The following LMBR1 variants were observed in gnomAD, a reference collection of about 807,000 sequenced individuals.
LMBR1 encodes the protein limb development membrane protein 1.
In LMBR1, 52 loss-of-function variants were observed where a neutral mutation model predicts 73.9. The observed-to-expected ratio is 0.70, with a 90% confidence interval of 0.56 to 0.89. The LOEUF (loss-of-function observed/expected upper bound fraction) is 0.89, where lower values mean the gene tolerates loss of function less well. Among genes scored for constraint, LMBR1 ranks in the 40% least tolerant of loss-of-function variants. The pLI is 0.00. For synonymous variants in LMBR1, 215 were observed against 209.4 expected (o/e 1.03, Z -0.23); for missense variants, 539 against 579.8 (o/e 0.93, Z 0.72).
intron 9 of LMBR1, among the ~76,000 whole-genome samples, chr7:156,735,548 G>GT (rs5888692): frequency 0.53 from 75,981 of 142,028 alleles, 20,268 homozygotes; most frequent in Middle Eastern, 0.65. Context: ...TAAGAGTGGT[G>GT]TTTTTTTTTT....
chr7:156,706,235 C>T (rs146493740), intron 15 of LMBR1, among the ~76,000 whole-genome samples: 1 of 149,808 alleles, frequency 6.7e-6, no homozygotes, highest in East Asian at 1.9e-4. Flanking sequence ...AACAATACAT[C>T]CAAATATACA....
At chr7:156,725,562 G>C (rs778301361) in intron 13 of LMBR1, 37 bp from the exon 14 acceptor site, 2 of 1,450,720 alleles carry the variant, frequency 1.4e-6, no homozygotes, top group Non-Finnish European at 1.9e-6. Flanking sequence ...CCAACAGAAT[G>C]CAAGTTTCCT....
chr7:156,675,945 C>T (rs1418423892), downstream of LMBR1: 12 of 1,390,102 alleles, frequency 8.6e-6, no homozygotes, highest in African/African-American at 2.8e-5. Flanking sequence ...GGGGGGAGGT[C>T]GAGGACTCAC....
intron 1 of LMBR1, among the ~76,000 whole-genome samples, chr7:156,852,495 G>T (rs1028457826): frequency 2.6e-5 from 4 of 152,064 alleles, no homozygotes; most frequent in Non-Finnish European, 5.9e-5. Context: ...AAAATTATAG[G>T]CTTCTACACC....
chr7:156,852,975 G>A (rs1267609265), intron 1 of LMBR1, among the ~76,000 whole-genome samples: 1 of 148,212 alleles, frequency 6.7e-6, no homozygotes, highest in African/African-American at 2.5e-5. Context: ...GTCTCAATCT[G>A]TCGCCCAGGC....
In LMBR1 at chr7:156,725,540, G is replaced by GA. The variant is rs1259361437; in HGVS notation, c.1068-16dup. ...CCATAAGATAGCTGTGAGAATCAAG[G>GA]AAAAAAACTCTCCAACAGAATGCAA... On this transcript the variant is annotated splice_polypyrimidine_tract_variant and intron_variant, in intron 13 of 16. Transcript: ENST00000353442. 2 of 1,540,530 alleles carry GA rather than the reference G, an allele frequency of 1.3e-6. No individual in the cohort carries two copies. The highest frequency in any genetic ancestry group is 1.2e-5 in the South Asian group (1 of 84,524).
chr7:156,845,735 G>A (rs1839475803), intron 1 of LMBR1, among the ~76,000 whole-genome samples: 1 of 151,886 alleles, frequency 6.6e-6, no homozygotes, highest in Non-Finnish European at 1.5e-5. Flanking sequence ...CTGCAGCCTT[G>A]AACTCCTGGG....
At chr7:156,697,798 A>C in intron 15 of LMBR1, among the ~76,000 whole-genome samples, 1 of 152,242 alleles carries the variant, frequency 6.6e-6, no homozygotes, top group East Asian at 1.9e-4. Context: ...ATCAATTTGT[A>C]CAGTTAACAC....
Position 156,682,249 on chromosome 7 carries a change from T to C in LMBR1, c.*1829A>G, listed in dbSNP as rs1025448509. 1.3e-5 allele frequency: 2 copies of C among 152,204 alleles called. No homozygotes were observed. The highest frequency in any genetic ancestry group is 2.9e-5 in the Non-Finnish European group (2 of 68,050). The allele number at this position is 152,204 out of a possible 1,614,324, so 9.4% of individuals were successfully genotyped here. A position where few individuals can be genotyped will look rare whatever the true frequency, so the allele number is the denominator to read the frequency against. The stretch of plus-strand genomic sequence containing the variant: ...ATTTTACTTAAAAATTTTCAGACAT[T>C]TTCCAAGTATCTAGGAACTCTTTGG... On this transcript the variant is annotated 3_prime_UTR_variant, in exon 17 of 17. Transcript: ENST00000353442.
chr7:156,673,646 C>T (rs1297690502), downstream of LMBR1, among the ~76,000 whole-genome samples: 1 of 152,184 alleles, frequency 6.6e-6, no homozygotes, highest in Non-Finnish European at 1.5e-5. Context: ...ATTCAAACCC[C>T]AACCCTTGTG....
In LMBR1 at chr7:156,669,674, G is replaced by A. The variant is rs1802040601; in HGVS notation, n.867-387C>T. ...ACTGCCCTCAGAGCCCCGGGGATGC[G>A]AGGTCAGCAGCTGGGACCCAGACCA... On this transcript the variant is annotated intron_variant and non_coding_transcript_variant, in intron 4 of 4. Coordinates refer to the LMBR1 transcript ENST00000430825. The surrounding 1 kb of genome is among the most constrained non-coding windows in gnomAD (Gnocchi z 4.2). Among the ~76,000 whole-genome samples, 1 of 152,184 alleles carries A rather than the reference G, an allele frequency of 6.6e-6. No homozygotes were observed. Among genetic ancestry groups the A allele is most frequent in the Non-Finnish European group, 1.5e-5 (1 of 68,026 alleles).
In LMBR1 at chr7:156,669,610, T is replaced by C. The variant is rs750578364; in HGVS notation, n.867-323A>G. ...AGCTGGGCGCTGAGCAGATAGGTCA[T>C]TTTCAAGAGGGCGACCCACAGCCAC... On this transcript the variant is annotated intron_variant and non_coding_transcript_variant, in intron 4 of 4. Transcript: ENST00000430825. This position sits in a 1 kb window ranked among gnomAD's most constrained non-coding sequence, Gnocchi z 4.2. Among the ~76,000 whole-genome samples the C allele has an allele frequency of 6.6e-6, 1 of 152,064 alleles. No homozygotes were observed. The highest frequency in any genetic ancestry group is 1.5e-5 in the Non-Finnish European group (1 of 68,002).
chr7:156,810,173 G>A (rs918825754), intron 4 of LMBR1, among the ~76,000 whole-genome samples: 2 of 152,250 alleles, frequency 1.3e-5, no homozygotes, highest in East Asian at 1.9e-4. Flanking sequence ...GCTTCCATTC[G>A]TGGCGAAAGG....
chr7:156,743,743 A>G (rs1458466975), intron 9 of LMBR1, among the ~76,000 whole-genome samples: 1 of 152,128 alleles, frequency 6.6e-6, no homozygotes, highest in Non-Finnish European at 1.5e-5. Flanking sequence ...CACATTTTTA[A>G]TACTCATACT....
intron 10 of LMBR1, among the ~76,000 whole-genome samples, chr7:156,729,709 G>T (rs1263557995): frequency 1.3e-5 from 2 of 152,016 alleles, no homozygotes; most frequent in African/African-American, 4.8e-5. Flanking sequence ...TCCTGACCTC[G>T]TGATCCACCC....
At chr7:156,816,729 A>G (rs1242006208) in intron 4 of LMBR1, among the ~76,000 whole-genome samples, 1 of 152,234 alleles carries the variant, frequency 6.6e-6, no homozygotes, top group Non-Finnish European at 1.5e-5. Context: ...TAATGTATCT[A>G]AGATATATTG....
At chr7:156,764,501 AAAAG>A (rs1433394737) in intron 5 of LMBR1, among the ~76,000 whole-genome samples, 2 of 152,202 alleles carry the variant, frequency 1.3e-5, no homozygotes, top group African/African-American at 4.8e-5. Flanking sequence ...ATAAGACAAA[AAAAG>A]AAACCGCTTT....
intron 3 of LMBR1, among the ~76,000 whole-genome samples, chr7:156,829,348 T>C (rs574974274): frequency 1.3e-5 from 2 of 152,272 alleles, no homozygotes; most frequent in East Asian, 3.9e-4. Context: ...GTGTTGGAGG[T>C]GGGGCCTCAT....
chr7:156,751,582 G>A (rs184025197), intron 9 of LMBR1, among the ~76,000 whole-genome samples: 34 of 152,298 alleles, frequency 2.2e-4, no homozygotes, highest in African/African-American at 7.9e-4. Flanking sequence ...AGACAGATAC[G>A]CACGGAAGCC....
Sources: allele counts gnomAD v4.1 joint callset (sites outside exome capture counted in the v4.1 genomes callset), GRCh38; gene constraint gnomAD v4.1.1; non-coding constraint Gnocchi (gnomAD v3.1); transcripts MANE v1.5; gene names NCBI Gene and HGNC (gene_info 2026-07-23, HGNC 2026-07-21).